TRIM15: variants seen among roughly 807,000 people sequenced by gnomAD.
The protein encoded by TRIM15 is E3 ubiquitin-protein ligase TRIM15.
In TRIM15, 35 loss-of-function variants were observed where a neutral mutation model predicts 35.8. The observed-to-expected ratio is 0.98, with a 90% CI of 0.75 to 1.30. The LOEUF (loss-of-function observed/expected upper bound fraction) is 1.30. TRIM15 is among the 50% of genes most tolerant of loss of function. TRIM15 has a pLI of 0.00. For synonymous variants in TRIM15, 252 were observed against 249.8 expected, an observed-to-expected ratio of 1.01 and a Z score of -0.08; for missense variants, 590 against 593.5, an observed-to-expected ratio of 0.99 and a Z score of 0.06.
intron 1 of TRIM15, among the ~76,000 whole-genome samples, chr6:30,164,353 T>C (rs186646139): frequency 2.2e-4 from 33 of 152,280 alleles, no homozygotes; most frequent in African/African-American, 7.7e-4. Flanking sequence ...AAAGCTCCAA[T>C]GCCGAGTGGG....
In TRIM15 at chr6:30,172,320, A is replaced by T. The variant is rs778602332; in HGVS notation, c.1369A>T (p.Lys457Ter). ...CTTCCCTTTCTTTGCCGTCTGGAAA[A>T]AAGGTTCCTGCCTTACGCTGAAAGG... is the stretch of plus-strand genomic sequence containing the variant. ...KVFPFFAVWK[K>*]GSCLTLKG Residue 457 changes from lysine to a stop codon, truncating the protein, a stop_gained, in exon 7 of 7, where the codon AAA becomes TAA. Transcript: ENST00000376694. LOFTEE classifies it low-confidence loss of function (END_TRUNC). The T allele has an allele frequency of 1.2e-5, 20 of 1,611,682 alleles. No individual in the cohort carries two copies. Among genetic ancestry groups the T allele is most frequent in the Non-Finnish European group, 1.5e-5 (18 of 1,179,404 alleles).
intron 4 of TRIM15, 35 bp downstream of exon 4, chr6:30,169,298 T>C: frequency 6.2e-7 from 1 of 1,612,872 alleles, no homozygotes; most frequent in South Asian, 1.1e-5. Context: ...CTCCTTTTAC[T>C]CAACATCAAG....
Position 30,163,994 on chromosome 6 carries a change from T to A in TRIM15, c.310T>A (p.Phe104Ile). The A allele has an allele frequency of 1.9e-6, 3 of 1,613,112 alleles. No homozygotes were observed. Among genetic ancestry groups the A allele is most frequent in the Admixed American group, 3.3e-5 (2 of 60,032 alleles). The change falls in exon 1 of 7, where the codon TTC becomes ATC. Residue 104 changes from phenylalanine to isoleucine, a missense_variant. By Grantham distance (21) the Phe-to-Ile change is conservative. Transcript: ENST00000376694. ...GAACGATGCCGAGTTCCTCTGTGTGTTCTGCAGGGAGGGTCCCACGCACCA... is the reference window on the plus strand; with the variant it reads ...GAACGATGCCGAGTTCCTCTGTGTGATCTGCAGGGAGGGTCCCACGCACCA... ...CENDAEFLCV[F>I]CREGPTHQAH...
intron 2 of TRIM15, among the ~76,000 whole-genome samples, 180 bp downstream of exon 2, chr6:30,167,451 T>A (rs1395242088): frequency 6.6e-6 from 1 of 152,252 alleles, no homozygotes; most frequent in African/African-American, 2.4e-5. Flanking sequence ...GAAGTGGTTC[T>A]GATGTCTTGC....
rs201398286 is a variant in TRIM15, at chr6:30,164,181, T to C, written c.381+116T>C. The C allele has an allele frequency of 1.4e-4, 204 of 1,418,718 alleles. 2 individuals carry two copies. The East Asian group carries it at 4.2e-3, about 29-fold the overall frequency. 87.9% of individuals were successfully genotyped at this position (1,418,718 alleles called of 1,614,324 possible). On this transcript the variant is annotated intron_variant, in intron 1 of 6. Transcript: ENST00000376694. ...GCTTCCACATCAGGGAACCCTAAGGTTACAGGGACTTTCGAGGCATTCCCA... is the reference window on the plus strand; with the variant it reads ...GCTTCCACATCAGGGAACCCTAAGGCTACAGGGACTTTCGAGGCATTCCCA...
chr6:30,165,108 C>CTT (rs201831242), intron 1 of TRIM15, among the ~76,000 whole-genome samples: 3 of 146,520 alleles, frequency 2.0e-5, no homozygotes, highest in East Asian at 2.0e-4. Context: ...AAGTCCTTTT[C>CTT]TTTTTTTTTT....
At position 30,172,070 on chromosome 6, in the gene TRIM15, G is replaced by A; in HGVS notation, c.1119G>A (p.Arg373=). 6.4e-7 allele frequency: 1 copy of A among 1,572,278 alleles called. No homozygotes were observed. The highest frequency in any genetic ancestry group is 8.6e-7 in the Non-Finnish European group (1 of 1,159,240). ...TGGGGGTGGCCGGGGAGGGGGTGAGGAGGAAGGGAGAGATGGGACTCAGCG... is the reference window on the plus strand; with the variant it reads ...TGGGGGTGGCCGGGGAGGGGGTGAGAAGGAAGGGAGAGATGGGACTCAGCG... ...CTVGVAGEGV[R]RKGEMGLSAE... is the part of the protein sequence containing the mutation. Residue 373 remains arginine (R), a synonymous_variant, in exon 7 of 7, where the codon AGG becomes AGA. Transcript: ENST00000376694.
intron 6 of TRIM15, 106 bp downstream of exon 6, chr6:30,171,114 T>C (rs1773987244): frequency 5.4e-6 from 7 of 1,297,322 alleles, no homozygotes; most frequent in Non-Finnish European, 7.5e-6. Flanking sequence ...ATTGCTTGAG[T>C]TCTCGATTCC....
In TRIM15 at chr6:30,168,494, G is replaced by A. The variant is rs1773774459; in HGVS notation, c.672G>A (p.Glu224=). 6.2e-7 allele frequency: 1 copy of A among 1,607,870 alleles called. No homozygotes were observed. Among genetic ancestry groups the A allele is most frequent in the African/African-American group, 1.3e-5 (1 of 74,970 alleles). The change falls in exon 3 of 7, where the codon GAG becomes GAA. Residue 224 remains glutamate (E), a synonymous_variant. Transcript: ENST00000376694. The stretch of plus-strand genomic sequence containing the variant: ...TTGGAGCCCAGGTCAAGGAGCTGGA[G>A]GAGAAGTGTCAGCAGCCAGCAAGTG... ...TRLGAQVKEL[E]EKCQQPASEL... is the part of the protein sequence containing the mutation.
chr6:30,168,604 G>C (rs1266396213), intron 3 of TRIM15, 74 bp downstream of exon 3: 2 of 1,392,578 alleles, frequency 1.4e-6, no homozygotes, highest in African/African-American at 1.4e-5. Flanking sequence ...CATGCTTTGG[G>C]CTGGAGAGAG....
At chr6:30,164,108 G>A (rs1773404075) in intron 1 of TRIM15, 43 bp downstream of exon 1, 1 of 1,577,926 alleles carries the variant, frequency 6.3e-7, no homozygotes, top group Non-Finnish European at 8.6e-7. Flanking sequence ...GGGGCAGGAT[G>A]ATGTCCTGTT....
intron 1 of TRIM15, among the ~76,000 whole-genome samples, chr6:30,166,790 T>C (rs915239931): frequency 4.6e-5 from 7 of 152,192 alleles, no homozygotes; most frequent in Admixed American, 4.6e-4. Flanking sequence ...TGAGCAGTGG[T>C]TTGTAGTTCT....
rs1774121062 is a variant in TRIM15, at chr6:30,172,580, A to G, written c.*231A>G. 1 of 739,496 alleles carries G rather than the reference A, an allele frequency of 1.4e-6. No individual in the cohort carries two copies. The highest frequency in any genetic ancestry group is 1.7e-5 in the African/African-American group (1 of 57,910). 45.8% of individuals were successfully genotyped at this position (739,496 alleles called of 1,614,324 possible). On this transcript the variant is annotated 3_prime_UTR_variant, in exon 7 of 7. Transcript: ENST00000376694. ...GCCTTCTCTGTACCTCAGAGTGCAG[A>G]ACCACAGACGGCTTCGGCTGTGCCT...
chr6:30,171,028 G>T lies in TRIM15; in HGVS notation c.880+20G>T. Reference sequence around the variant, plus strand: ...ATTCAGGTAAACAGCTTGGGATTTGGGGAGTCATTCTTCCATTCATCCATT... The same window carrying T: ...ATTCAGGTAAACAGCTTGGGATTTGTGGAGTCATTCTTCCATTCATCCATT... On this transcript the variant is annotated intron_variant, in intron 6 of 6. Coordinates refer to ENST00000376694, the MANE Select transcript of TRIM15 (RefSeq NM_033229.3). 6.2e-7 allele frequency: 1 copy of T among 1,609,264 alleles called. No homozygotes were observed. Among genetic ancestry groups the T allele is most frequent in the South Asian group, 1.1e-5 (1 of 90,546 alleles).
At position 30,171,839 on chromosome 6, in the gene TRIM15, C is replaced by T; in HGVS notation, c.888C>T (p.Ile296=). The change falls in exon 7 of 7, where the codon ATC becomes ATT. Residue 296 remains isoleucine (I), a synonymous_variant. Transcript: ENST00000376694. ...GCGCGCTCCTCCCTCTAGGGGTCAT[C>T]ACTCTGGACCCTCAGACCGCCAGCC... ...AHHLEIDSGV[I]TLDPQTASRS... is the part of the protein sequence containing the mutation. 1 of 1,553,164 alleles carries T rather than the reference C, an allele frequency of 6.4e-7. No individual in the cohort carries two copies. The highest frequency in any genetic ancestry group is 1.2e-5 in the South Asian group (1 of 81,762).
chr6:30,172,485 C>A lies in TRIM15; in HGVS notation c.*136C>A. 7.6e-7 allele frequency: 1 copy of A among 1,324,176 alleles called. No homozygotes were observed. The highest frequency in any genetic ancestry group is 1.0e-6 in the Non-Finnish European group (1 of 962,990). The allele number at this position is 1,324,176 out of a possible 1,614,324, so 82.0% of individuals were successfully genotyped here. A position where few individuals can be genotyped will look rare whatever the true frequency, so the allele number is the denominator to read the frequency against. On this transcript the variant is annotated 3_prime_UTR_variant, in exon 7 of 7. Transcript: ENST00000376694. ...AACAGGGGACTTGAGTCTCGAACAG[C>A]GGTTGTTTTTACTTTATTTATCTTA...
chr6:30,164,938 C>A (rs116371414), intron 1 of TRIM15, among the ~76,000 whole-genome samples: 206 of 152,272 alleles, frequency 1.4e-3, no homozygotes, highest in African/African-American at 4.8e-3. Flanking sequence ...CAAGGCACCA[C>A]GTGTCTGGCC....
In TRIM15 at chr6:30,172,645, A is replaced by G. The variant is rs535385646; in HGVS notation, c.*296A>G. 29 of 611,238 alleles carry G rather than the reference A, an allele frequency of 4.7e-5. No homozygotes were observed. The highest frequency in any genetic ancestry group is 6.1e-5 in the East Asian group (2 of 32,702). The allele number at this position is 611,238 out of a possible 1,614,324, so 37.9% of individuals were successfully genotyped here. On this transcript the variant is annotated 3_prime_UTR_variant, in exon 7 of 7. Coordinates refer to ENST00000376694, the MANE Select transcript of TRIM15 (RefSeq NM_033229.3). ...CCTAGGAGCCAGCGGGCTTTCGGGG[A>G]AAAAAAAGAAAAAGACATCTAAAAT...
chr6:30,168,352 AG>A lies in TRIM15; in HGVS notation c.531del (p.Gln177HisfsTer15), dbSNP rs1773758981. On this transcript the variant is annotated frameshift_variant, in exon 3 of 7. Transcript: ENST00000376694. LOFTEE classifies it high-confidence loss of function. ...GTGGAAACAGCTTTTGAGAGGCTGC[AG>A]CAGGAGCTGGAGCAGCAGCGATGTC... ...HQVETAFERLQQELEQQRCLL... is the reference protein window; with the variant it reads ...HQVETAFERLXQELEQQRCLL... 1 of 1,613,008 alleles carries A rather than the reference AG, an allele frequency of 6.2e-7. No homozygotes were observed. Among genetic ancestry groups the A allele is most frequent in the African/African-American group, 1.3e-5 (1 of 74,938 alleles).
Sources: allele counts gnomAD v4.1 joint callset (sites outside exome capture counted in the v4.1 genomes callset), GRCh38; gene constraint gnomAD v4.1.1; transcripts MANE v1.5; gene names NCBI Gene and HGNC (gene_info 2026-07-23, HGNC 2026-07-21).